Variants in ADARB2 observed in about 807,000 individuals in gnomAD.
ADARB2 encodes the protein adenosine deaminase RNA specific B2 (inactive).
Under a neutral mutation model 62.2 loss-of-function variants are expected in ADARB2, and 25 were observed. That is an observed-to-expected ratio of 0.40 (90% CI 0.29 to 0.56). The LOEUF (loss-of-function observed/expected upper bound fraction) is 0.56. ADARB2 is among the 20% of genes least tolerant of loss of function. The pLI, the probability that ADARB2 is intolerant of heterozygous loss-of-function variation, is 0.43. For missense variants in ADARB2, 1,071 were observed against 1,077.4 expected, an observed-to-expected ratio of 0.99 and a Z score of 0.08; for synonymous variants, 572 against 500.8, an observed-to-expected ratio of 1.14 and a Z score of -1.90.
rs1833486397 is a variant in ADARB2, at chr10:1,605,780, G to C, written c.100+131271C>G. On this transcript the variant is annotated intron_variant, in intron 1 of 9. Coordinates refer to ENST00000381312, the MANE Select transcript of ADARB2 (RefSeq NM_018702.4). ...CAATAACAGGAAGAGTGATGCAAAA[G>C]GGCTTCAACGTATATTGGCTTAGAA... Among the ~76,000 whole-genome samples, 4 of 152,148 alleles carry C rather than the reference G, an allele frequency of 2.6e-5. No homozygotes were observed. The South Asian group carries it at 6.2e-4, about 24-fold the overall frequency.
At chr10:1,572,172 C>T (rs902205210) in intron 1 of ADARB2, among the ~76,000 whole-genome samples, 3 of 147,670 alleles carry the variant, frequency 2.0e-5, no homozygotes, top group Non-Finnish European at 4.5e-5. Flanking sequence ...GGTGAGTGTG[C>T]AGGCGAGTAG....
At chr10:1,691,615 T>C (rs759607371) in intron 1 of ADARB2, among the ~76,000 whole-genome samples, 29 of 152,212 alleles carry the variant, frequency 1.9e-4, no homozygotes, top group Non-Finnish European at 3.2e-4. Flanking sequence ...CTAAATAGAA[T>C]GTACTGTTCA....
intron 1 of ADARB2, among the ~76,000 whole-genome samples, chr10:1,430,150 C>G (rs191261244): frequency 6.6e-6 from 1 of 152,092 alleles, no homozygotes; most frequent in African/African-American, 2.4e-5. Context: ...ATGCTTTACT[C>G]GAAGTGGCAA....
chr10:1,493,862 G>A (rs1007751112), intron 1 of ADARB2, among the ~76,000 whole-genome samples: 1 of 145,250 alleles, frequency 6.9e-6, no homozygotes, highest in Non-Finnish European at 1.5e-5. Flanking sequence ...GGGTTGAAGC[G>A]GTTCTCCCGC....
rs1034608020 is a variant in ADARB2, at chr10:1,519,024, G to A, written c.101-139864C>T. ...CCATGTAACGTCTGCACATGGTATG[G>A]TCATACACACGCATTCTGTGTAATG... is the stretch of plus-strand genomic sequence containing the variant. On this transcript the variant is annotated intron_variant, in intron 1 of 9. Coordinates refer to ENST00000381312, the MANE Select transcript of ADARB2 (RefSeq NM_018702.4). Among the ~76,000 whole-genome samples, 3 of 151,960 alleles carry A rather than the reference G, an allele frequency of 2.0e-5. No individual in the cohort carries two copies. The East Asian group carries it at 5.8e-4, about 29-fold the overall frequency.
At chr10:1,320,922 A>G (rs540984790) in intron 3 of ADARB2, among the ~76,000 whole-genome samples, 101 of 152,286 alleles carry the variant, frequency 6.6e-4, no homozygotes, top group Middle Eastern at 3.4e-3. Context: ...AACAGAAATG[A>G]ACTGGCCCAG....
chr10:1,530,546 C>T (rs1002650936), intron 1 of ADARB2, among the ~76,000 whole-genome samples: 1 of 152,264 alleles, frequency 6.6e-6, no homozygotes, highest in Non-Finnish European at 1.5e-5. Flanking sequence ...TCCTTGCGGC[C>T]TGCTCTTCAT....
intron 1 of ADARB2, among the ~76,000 whole-genome samples, chr10:1,723,492 C>T (rs1835122792): frequency 6.6e-6 from 1 of 152,230 alleles, no homozygotes; most frequent in Admixed American, 6.5e-5. Context: ...CCTCACTTCC[C>T]TCATCCAGGA....
chr10:1,515,252 G>A (rs74681641), intron 1 of ADARB2, among the ~76,000 whole-genome samples: 13 of 152,334 alleles, frequency 8.5e-5, no homozygotes, highest in African/African-American at 3.1e-4. Context: ...CAGAGCAGGG[G>A]CAGGCGGGCA....
At chr10:1,466,484 G>A (rs1459126120) in intron 1 of ADARB2, among the ~76,000 whole-genome samples, 3 of 152,184 alleles carry the variant, frequency 2.0e-5, no homozygotes, top group South Asian at 2.1e-4. Flanking sequence ...TCCTTGCGAC[G>A]GCCGCACACA....
At chr10:1,568,385 C>A (rs868836915) in intron 1 of ADARB2, among the ~76,000 whole-genome samples, 1 of 152,224 alleles carries the variant, frequency 6.6e-6, no homozygotes, top group Admixed American at 6.5e-5. Flanking sequence ...AGCGAACACA[C>A]GGTCCAGCTG....
At chr10:1,626,828 A>T (rs932967001) in intron 1 of ADARB2, among the ~76,000 whole-genome samples, 8 of 152,286 alleles carry the variant, frequency 5.3e-5, no homozygotes, top group Admixed American at 4.6e-4. Context: ...CTATATATTT[A>T]AAAAATGCAA....
At chr10:1,275,110 G>A (rs1310605622) in intron 3 of ADARB2, among the ~76,000 whole-genome samples, 3 of 152,212 alleles carry the variant, frequency 2.0e-5, no homozygotes, top group African/African-American at 7.2e-5. Context: ...GTCATTTGAG[G>A]AACAGCTGGG....
intron 1 of ADARB2, among the ~76,000 whole-genome samples, chr10:1,658,782 C>T (rs1185876674): frequency 1.3e-5 from 2 of 152,250 alleles, no homozygotes; most frequent in African/African-American, 2.4e-5. Flanking sequence ...ATGCAATTAG[C>T]AGGACCTGCC....
At chr10:1,367,276 C>T (rs1290958447) in intron 2 of ADARB2, among the ~76,000 whole-genome samples, 1 of 152,220 alleles carries the variant, frequency 6.6e-6, no homozygotes, top group Admixed American at 6.5e-5. Flanking sequence ...GCTCTGGGCT[C>T]TGCTTTGAAA....
At chr10:1,478,847 C>T (rs1003273922) in intron 1 of ADARB2, among the ~76,000 whole-genome samples, 2 of 151,518 alleles carry the variant, frequency 1.3e-5, no homozygotes, top group South Asian at 2.1e-4. Flanking sequence ...TAAGGACCCT[C>T]CGACAGGAGT....
chr10:1,647,386 C>T (rs558547372), intron 1 of ADARB2, among the ~76,000 whole-genome samples: 19 of 151,330 alleles, frequency 1.3e-4, no homozygotes, highest in Admixed American at 2.6e-4. Flanking sequence ...TATATGTATG[C>T]GTATACATGT....
chr10:1,280,200 C>T (rs1374794947), intron 3 of ADARB2, among the ~76,000 whole-genome samples: 2 of 152,160 alleles, frequency 1.3e-5, no homozygotes, highest in African/African-American at 2.4e-5. Context: ...CTTAGAGGCC[C>T]CATCTCCAAA....
chr10:1,488,230 A>AAAAAAG (rs1384033847), intron 1 of ADARB2, among the ~76,000 whole-genome samples: 1 of 152,096 alleles, frequency 6.6e-6, no homozygotes, highest in Non-Finnish European at 1.5e-5. Context: ...GCAAAGAAAA[A>AAAAAAG]AAAAAAGGAT....
Sources: allele counts gnomAD v4.1 joint callset (sites outside exome capture counted in the v4.1 genomes callset), GRCh38; gene constraint gnomAD v4.1.1; transcripts MANE v1.5; gene names NCBI Gene and HGNC (gene_info 2026-07-23, HGNC 2026-07-21).